Variants in MTMR2 observed in about 807,000 individuals in gnomAD.
MTMR2 encodes phosphatidylinositol-3,5-bisphosphate 3-phosphatase MTMR2.
MTMR2 carries 55 observed loss-of-function variants against 86.9 expected under a neutral mutation model. The ratio of observed to expected loss-of-function variants is 0.63; its 90% CI spans 0.51 to 0.79. MTMR2 has a LOEUF of 0.79. MTMR2 is among the 30% of genes least tolerant of loss of function. The pLI is 0.00. For synonymous variants in MTMR2, 241 were observed against 266.8 expected (o/e 0.90, Z 0.94); for missense variants, 659 against 772.3 (o/e 0.85, Z 1.74).
intron 1 of MTMR2, among the ~76,000 whole-genome samples, chr11:95,899,208 T>A (rs1265524078): frequency 2.6e-5 from 4 of 151,554 alleles, no homozygotes; most frequent in African/African-American, 9.7e-5. Flanking sequence ...AAAATAGGAG[T>A]GGACATATGG....
intron 1 of MTMR2, among the ~76,000 whole-genome samples, chr11:95,917,528 C>A (rs1866754574): frequency 2.0e-5 from 3 of 152,088 alleles, no homozygotes; most frequent in African/African-American, 7.2e-5. Context: ...TTCAACGCAG[C>A]TGAAAATCCG....
chr11:95,855,850 A>T (rs1864190888), intron 7 of MTMR2, among the ~76,000 whole-genome samples: 1 of 152,240 alleles, frequency 6.6e-6, no homozygotes, highest in Admixed American at 6.5e-5. Flanking sequence ...AAGAGCCTAC[A>T]TCTGAGTGTG....
chr11:95,837,158 G>A (rs1170346643), intron 13 of MTMR2, among the ~76,000 whole-genome samples: 1 of 152,030 alleles, frequency 6.6e-6, no homozygotes, highest in African/African-American at 2.4e-5. Flanking sequence ...GCTAGACACT[G>A]AAGACATAAG....
intron 1 of MTMR2, among the ~76,000 whole-genome samples, chr11:95,913,648 T>C (rs889285635): frequency 6.6e-6 from 1 of 152,090 alleles, no homozygotes; most frequent in Non-Finnish European, 1.5e-5. Flanking sequence ...GAAAAGATGA[T>C]ATAATTCATT....
chr11:95,876,274 C>G (rs772135179), intron 2 of MTMR2, among the ~76,000 whole-genome samples: 1 of 152,140 alleles, frequency 6.6e-6, no homozygotes, highest in South Asian at 2.1e-4. Flanking sequence ...AACCTATCTT[C>G]TTAAAATGGT....
chr11:95,915,198 C>T (rs1739771197), intron 1 of MTMR2, among the ~76,000 whole-genome samples: 1 of 152,072 alleles, frequency 6.6e-6, no homozygotes, highest in Non-Finnish European at 1.5e-5. Context: ...GGCTTCTTGG[C>T]TCGCTCAAGA....
intron 11 of MTMR2, among the ~76,000 whole-genome samples, chr11:95,843,572 A>C (rs1157654177): frequency 2.0e-5 from 3 of 152,220 alleles, no homozygotes; most frequent in Non-Finnish European, 2.9e-5. Flanking sequence ...CTGCTTTTCC[A>C]CTTACATATC....
chr11:95,835,117 C>T lies in MTMR2; in HGVS notation c.*173G>A, dbSNP rs2135398086. 1.5e-6 allele frequency: 1 copy of T among 660,574 alleles called. No individual in the cohort carries two copies. The highest frequency in any genetic ancestry group is 2.6e-6 in the Non-Finnish European group (1 of 378,964). The allele number at this position is 660,574 out of a possible 1,614,324, so 40.9% of individuals were successfully genotyped here. ...TGTAATTACATATGGAGTTACTTCA[C>T]TTAAGCCACCTGCACTGCTACAGTT... On this transcript the variant is annotated 3_prime_UTR_variant, in exon 15 of 15. Coordinates refer to ENST00000346299, the MANE Select transcript of MTMR2 (RefSeq NM_016156.6).
At chr11:95,916,708 T>C (rs933151164) in intron 1 of MTMR2, among the ~76,000 whole-genome samples, 5 of 152,140 alleles carry the variant, frequency 3.3e-5, no homozygotes, top group Admixed American at 1.3e-4. Flanking sequence ...AATTAAAATA[T>C]ATTTTACAGG....
chr11:95,850,488 A>C (rs1335344509), intron 8 of MTMR2, 112 bp downstream of exon 8: 1 of 1,114,636 alleles, frequency 9.0e-7, no homozygotes. Flanking sequence ...TCCCCATGAA[A>C]GACCTGCTGC....
chr11:95,876,418 T>C (rs1865116085), intron 2 of MTMR2, among the ~76,000 whole-genome samples: 1 of 152,194 alleles, frequency 6.6e-6, no homozygotes, highest in South Asian at 2.1e-4. Context: ...GGAGAAATCC[T>C]CTAGAATACA....
chr11:95,835,183 T>C lies in MTMR2; in HGVS notation c.*107A>G. On this transcript the variant is annotated 3_prime_UTR_variant, in exon 15 of 15. Coordinates refer to ENST00000346299, the MANE Select transcript of MTMR2 (RefSeq NM_016156.6). Reference sequence around the variant, plus strand: ...AGAGATTTAAAATAAATAAAGTGACTGAACTTTCTCTCATAGATGGGTTCT... The same window carrying C: ...AGAGATTTAAAATAAATAAAGTGACCGAACTTTCTCTCATAGATGGGTTCT... 5 of 1,175,224 alleles carry C rather than the reference T, an allele frequency of 4.3e-6. No individual in the cohort carries two copies. Among genetic ancestry groups the C allele is most frequent in the Non-Finnish European group, 6.2e-6 (5 of 802,520 alleles). 72.8% of individuals were successfully genotyped at this position (1,175,224 alleles called of 1,614,324 possible).
intron 11 of MTMR2, among the ~76,000 whole-genome samples, chr11:95,843,702 T>C (rs1342659041): frequency 1.3e-5 from 2 of 152,176 alleles, no homozygotes; most frequent in Admixed American, 6.6e-5. Flanking sequence ...TTTGCAAAAG[T>C]AAAACAATGC....
At position 95,834,772 on chromosome 11, in the gene MTMR2, A is replaced by C. The variant is rs1378458416; in HGVS notation, c.*518T>G. The C allele has an allele frequency of 6.1e-6, 1 of 164,496 alleles. No individual in the cohort carries two copies. The highest frequency in any genetic ancestry group is 1.3e-5 in the Non-Finnish European group (1 of 74,432). 10.2% of individuals were successfully genotyped at this position (164,496 alleles called of 1,614,324 possible). A position where few individuals can be genotyped will look rare whatever the true frequency, so the allele number is the denominator to read the frequency against. On this transcript the variant is annotated 3_prime_UTR_variant, in exon 15 of 15. Transcript: ENST00000346299. ...GCCTTTTACTATATGAAGAATATGGAAGTTGAAAAGTGATCAAGGTAAATC... is the reference window on the plus strand; with the variant it reads ...GCCTTTTACTATATGAAGAATATGGCAGTTGAAAAGTGATCAAGGTAAATC...
chr11:95,910,140 C>G (rs1591047547), intron 1 of MTMR2, among the ~76,000 whole-genome samples: 1 of 151,656 alleles, frequency 6.6e-6, no homozygotes, highest in African/African-American at 2.4e-5. Context: ...CACACACACA[C>G]ACACACACCC....
intron 10 of MTMR2, among the ~76,000 whole-genome samples, chr11:95,845,965 T>C (rs956441700): frequency 1.2e-4 from 18 of 149,396 alleles, no homozygotes; most frequent in African/African-American, 4.2e-4. Flanking sequence ...AAAAACAGTA[T>C]AGTTCTACAT....
intron 11 of MTMR2, among the ~76,000 whole-genome samples, chr11:95,843,717 CTT>C (rs1863649118): frequency 6.6e-6 from 1 of 151,666 alleles, no homozygotes; most frequent in African/African-American, 2.4e-5. Flanking sequence ...CAATGCCAGT[CTT>C]TTCATTAAAC....
chr11:95,859,301 C>G (rs1036987318), intron 5 of MTMR2, among the ~76,000 whole-genome samples: 1 of 152,214 alleles, frequency 6.6e-6, no homozygotes, highest in African/African-American at 2.4e-5. Context: ...GGTCTAAAGA[C>G]CAAGTTTCCC....
chr11:95,919,333 G>T (rs987936316), intron 1 of MTMR2, among the ~76,000 whole-genome samples: 1 of 152,130 alleles, frequency 6.6e-6, no homozygotes, highest in Non-Finnish European at 1.5e-5. Context: ...ATTTATAAAT[G>T]CAATTAGTTG....
Sources: gnomAD v4.1 joint callset for allele counts (sites outside exome capture counted in the v4.1 genomes callset) on GRCh38, gnomAD v4.1.1 for gene constraint, MANE v1.5 for transcripts, NCBI Gene and HGNC (gene_info 2026-07-23, HGNC 2026-07-21) for gene names.